PITPNB: variants seen among roughly 807,000 people sequenced by gnomAD.
The protein encoded by PITPNB is phosphatidylinositol transfer protein beta isoform.
A neutral mutation model predicts 45.9 loss-of-function variants in PITPNB; 16 were observed. That is an observed-to-expected ratio of 0.35 (90% confidence interval 0.24 to 0.53). The LOEUF (loss-of-function observed/expected upper bound fraction) is 0.53. PITPNB is among the 20% of genes least tolerant of loss of function. The pLI, the probability that PITPNB is intolerant of heterozygous loss-of-function variation, is 0.93. For synonymous variants in PITPNB, 112 were observed against 108.9 expected (o/e 1.03, Z -0.18); for missense variants, 188 against 330.5 (o/e 0.57, Z 3.34).
chr22:27,875,058 C>T (rs1934781565), intron 7 of PITPNB, among the ~76,000 whole-genome samples: 1 of 152,158 alleles, frequency 6.6e-6, no homozygotes, highest in Non-Finnish European at 1.5e-5. Flanking sequence ...TCAGTAAGTG[C>T]ATATGCCATG....
chr22:27,919,116 C>G, intron 1 of PITPNB, 56 bp downstream of exon 1: 1 of 1,613,862 alleles, frequency 6.2e-7, no homozygotes, highest in Non-Finnish European at 8.5e-7. Context: ...TCTCCATCAA[C>G]AAATCTCCCA....
chr22:27,858,958 T>C (rs1478983099), intron 9 of PITPNB, among the ~76,000 whole-genome samples: 1 of 152,214 alleles, frequency 6.6e-6, no homozygotes, highest in African/African-American at 2.4e-5. Flanking sequence ...GGTTCTTTTA[T>C]TAAATTAAGA....
At chr22:27,872,371 G>A (rs2146364810) in intron 8 of PITPNB, among the ~76,000 whole-genome samples, 1 of 150,840 alleles carries the variant, frequency 6.6e-6, no homozygotes, top group East Asian at 2.0e-4. Context: ...TGGGATTACA[G>A]GCGTGAGCCA....
chr22:27,919,214 TGCCGCCGATACCACCGCCGCC>T lies in PITPNB; in HGVS notation c.-44_-24del, dbSNP rs1555893373. ...CATCTTCCCGGAACCCCCTCACAGC[TGCCGCCGATACCACCGCCGCC>T]GCCGCCGCTACCGCCTCTCACAGCG... On this transcript the variant is annotated 5_prime_UTR_variant, in exon 1 of 12. Transcript: ENST00000335272. The T allele has an allele frequency of 2.5e-6, 4 of 1,603,316 alleles. No individual in the cohort carries two copies. The highest frequency in any genetic ancestry group is 2.6e-6 in the Non-Finnish European group (3 of 1,171,978).
chr22:27,909,366 A>G (rs1343493981), intron 3 of PITPNB, among the ~76,000 whole-genome samples: 1 of 151,918 alleles, frequency 6.6e-6, no homozygotes, highest in Non-Finnish European at 1.5e-5. Context: ...ACACTTGGCC[A>G]GCATTTTTTG....
chr22:27,876,422 G>A (rs9625351), intron 7 of PITPNB, among the ~76,000 whole-genome samples: 7,346 of 152,164 alleles, frequency 0.048, 292 homozygotes, highest in South Asian at 0.11. Context: ...TATTGAAAAC[G>A]TAACAAAACC....
chr22:27,911,115 A>G lies in PITPNB; in HGVS notation c.52-6T>C, dbSNP rs763084255. 1.9e-6 allele frequency: 3 copies of G among 1,609,752 alleles called. No homozygotes were observed. Among genetic ancestry groups the G allele is most frequent in the South Asian group, 2.2e-5 (2 of 90,950 alleles). Reference sequence around the variant, plus strand: ...TAAAGCTGCCCAACCTGATACTGAAATTTCAAAGAATACAGAAACTGAGTA... The same window carrying G: ...TAAAGCTGCCCAACCTGATACTGAAGTTTCAAAGAATACAGAAACTGAGTA... On this transcript the variant is annotated splice_polypyrimidine_tract_variant and splice_region_variant and intron_variant, in intron 2 of 11. Transcript: ENST00000335272.
At chr22:27,870,111 C>A (rs1044571285) in intron 8 of PITPNB, among the ~76,000 whole-genome samples, 2 of 152,194 alleles carry the variant, frequency 1.3e-5, no homozygotes, top group African/African-American at 4.8e-5. Flanking sequence ...ACCTTACACA[C>A]TGCTGTAACT....
At chr22:27,898,055 A>T in intron 3 of PITPNB, 163 bp from the exon 4 acceptor site, 2 of 588,776 alleles carry the variant, frequency 3.4e-6, no homozygotes, top group Non-Finnish European at 6.1e-6. Flanking sequence ...ATGAACACAT[A>T]ATTTTTTACA....
At chr22:27,910,568 A>C (rs1211656844) in intron 3 of PITPNB, 1 of 161,106 alleles carries the variant, frequency 6.2e-6, no homozygotes, top group Non-Finnish European at 1.4e-5. Context: ...ATCAGAAATA[A>C]AGCAAACTGC....
chr22:27,917,551 C>A (rs1936119121), intron 1 of PITPNB, among the ~76,000 whole-genome samples: 1 of 152,144 alleles, frequency 6.6e-6, no homozygotes, highest in Non-Finnish European at 1.5e-5. Context: ...ACCCAATATT[C>A]AGTACTATAA....
chr22:27,902,746 G>T (rs926681606), intron 3 of PITPNB, among the ~76,000 whole-genome samples: 3 of 152,100 alleles, frequency 2.0e-5, no homozygotes, highest in Non-Finnish European at 1.5e-5. Flanking sequence ...AAGAGACAGG[G>T]TCTTGCTGTG....
chr22:27,852,921 T>C lies in PITPNB; in HGVS notation c.*781A>G, dbSNP rs1296246228. 7.2e-5 allele frequency: 11 copies of C among 152,656 alleles called. No homozygotes were observed. The highest frequency in any genetic ancestry group is 5.8e-4 in the East Asian group (3 of 5,200). The allele number at this position is 152,656 out of a possible 1,614,324, so 9.5% of individuals were successfully genotyped here. A position where few individuals can be genotyped will look rare whatever the true frequency, so the allele number is the denominator to read the frequency against. ...TGCTAGGTTTGATGTAGAAAAATAT[T>C]TGAAATTTAAAATACAAAAATCCAA... On this transcript the variant is annotated 3_prime_UTR_variant, in exon 12 of 12. Coordinates refer to ENST00000335272, the MANE Select transcript of PITPNB (RefSeq NM_012399.5).
At position 27,853,604 on chromosome 22, in the gene PITPNB, G is replaced by A. The variant is rs199651842; in HGVS notation, c.*98C>T. 481 of 1,549,054 alleles carry A rather than the reference G, an allele frequency of 3.1e-4. 1 individual carries two copies. The Middle Eastern group carries it at 3.3e-3, about 11-fold the overall frequency. ...CGTCAACACTGCAAGATACTGGTCA[G>A]ATTCTTCTTCACTCATCACTGGCTG... On this transcript the variant is annotated 3_prime_UTR_variant, in exon 12 of 12. Transcript: ENST00000335272.
At chr22:27,912,302 G>T (rs1935949769) in intron 2 of PITPNB, among the ~76,000 whole-genome samples, 1 of 152,046 alleles carries the variant, frequency 6.6e-6, no homozygotes, top group African/African-American at 2.4e-5. Flanking sequence ...GAAGTGTTTG[G>T]GAAGTTGAAA....
chr22:27,894,473 T>A (rs1935378308), intron 7 of PITPNB, 82 bp downstream of exon 7: 1 of 784,962 alleles, frequency 1.3e-6, no homozygotes, highest in Non-Finnish European at 2.2e-6. Flanking sequence ...ATAATTTTTT[T>A]AACTTAATCC....
chr22:27,908,185 C>A (rs1265966837), intron 3 of PITPNB, among the ~76,000 whole-genome samples: 1 of 150,226 alleles, frequency 6.7e-6, no homozygotes, highest in African/African-American at 2.4e-5. Flanking sequence ...TTTAACATTC[C>A]TTTTCTTTCT....
intron 2 of PITPNB, among the ~76,000 whole-genome samples, chr22:27,912,655 A>T (rs1935961470): frequency 6.6e-6 from 1 of 151,856 alleles, no homozygotes; most frequent in African/African-American, 2.4e-5. Context: ...AAAAAAAAAG[A>T]ATAAGAAATA....
chr22:27,855,614 C>T (rs1245332742), intron 10 of PITPNB, among the ~76,000 whole-genome samples: 8 of 152,208 alleles, frequency 5.3e-5, no homozygotes, highest in African/African-American at 1.9e-4. Flanking sequence ...TCCTCACCCC[C>T]ACCCCGGAAC....
Sources: gnomAD v4.1 joint callset for allele counts (sites outside exome capture counted in the v4.1 genomes callset) on GRCh38, gnomAD v4.1.1 for gene constraint, MANE v1.5 for transcripts, NCBI Gene and HGNC (gene_info 2026-07-23, HGNC 2026-07-21) for gene names.